Variants in DPP6 observed in about 807,000 individuals in gnomAD.
DPP6 encodes the protein A-type potassium channel modulatory protein DPP6.
DPP6 carries 69 observed loss-of-function variants against 122.6 expected under a neutral mutation model. The ratio of observed to expected loss-of-function variants is 0.56; its 90% CI spans 0.46 to 0.69. DPP6 has a LOEUF of 0.69. Ranked by LOEUF, DPP6 falls within the 30% of genes least tolerant of loss-of-function variation. The pLI is 0.00. For synonymous variants in DPP6, 418 were observed against 433.1 expected, an observed-to-expected ratio of 0.97 and a Z score of 0.43; for missense variants, 928 against 1,116.9, an observed-to-expected ratio of 0.83 and a Z score of 2.41.
intron 7 of DPP6, among the ~76,000 whole-genome samples, chr7:154,686,144 A>G (rs1839586747): frequency 6.6e-6 from 1 of 152,198 alleles, no homozygotes; most frequent in Admixed American, 6.5e-5. Flanking sequence ...TCTATTCAGC[A>G]GTGAGAAAAT....
At chr7:153,913,862 A>G (rs1022035873) in intron 1 of DPP6, among the ~76,000 whole-genome samples, 4 of 152,212 alleles carry the variant, frequency 2.6e-5, no homozygotes, top group South Asian at 2.1e-4. Context: ...GTCTCATTCA[A>G]TGCAATGCCA....
rs542262589 is a variant in DPP6 at position 154,621,980 on chromosome 7, T to C, written c.628-15841T>C. ...GAGCTTTGTGATTCCTTCTTAATGA[T>C]GTGCTTAATATATTTCCCCCAATGA... On this transcript the variant is annotated intron_variant, in intron 5 of 25. Coordinates refer to ENST00000377770, the MANE Select transcript of DPP6 (RefSeq NM_130797.4). Among the ~76,000 whole-genome samples the C allele has an allele frequency of 2.0e-5, 3 of 152,358 alleles. No homozygotes were observed. In the South Asian group the frequency reaches 6.2e-4, roughly 32 times the overall value.
intron 1 of DPP6, among the ~76,000 whole-genome samples, chr7:154,334,588 A>G (rs1049270781): frequency 6.6e-6 from 1 of 152,144 alleles, no homozygotes; most frequent in Non-Finnish European, 1.5e-5. Flanking sequence ...ATTCAGTAAC[A>G]TTATCCAGAA....
intron 1 of DPP6, among the ~76,000 whole-genome samples, chr7:154,381,941 A>G (rs953019967): frequency 1.3e-5 from 2 of 152,080 alleles, no homozygotes; most frequent in Non-Finnish European, 2.9e-5. Flanking sequence ...GGGTCATGGG[A>G]TGACACAGAG....
intron 1 of DPP6, among the ~76,000 whole-genome samples, chr7:154,070,305 G>A (rs1296451539): frequency 6.6e-6 from 1 of 151,312 alleles, no homozygotes; most frequent in African/African-American, 2.4e-5. Flanking sequence ...CTGAATCCTG[G>A]CTCGGTCACA....
Position 154,116,033 on chromosome 7 carries a change from C to G in DPP6, c.243+62970C>G, listed in dbSNP as rs577838433. 5.6e-3 allele frequency among the ~76,000 whole-genome samples: 849 copies of G among 151,142 alleles called. 6 individuals are homozygous for G. The highest frequency in any genetic ancestry group is 0.019 in the African/African-American group (802 of 41,154). ...TGTTTCTGTGGCAAATGGTTAAATTCTTACCTTTTACAAAACATTCAGTAG... is the reference window on the plus strand; with the variant it reads ...TGTTTCTGTGGCAAATGGTTAAATTGTTACCTTTTACAAAACATTCAGTAG... On this transcript the variant is annotated intron_variant, in intron 1 of 25. Coordinates refer to ENST00000377770, the MANE Select transcript of DPP6 (RefSeq NM_130797.4).
In DPP6 at chr7:154,485,210, C is replaced by T. The variant is rs73726897; in HGVS notation, c.457+10173C>T. On this transcript the variant is annotated intron_variant, in intron 3 of 25. Transcript: ENST00000377770. ...TCGTAAGAGGGACTGTGTTCTCCCA[C>T]GGCTCTGAGAGTGTTTGGAGAGCAT... Among the ~76,000 whole-genome samples the T allele has an allele frequency of 9.2e-3, 1,406 of 152,202 alleles. 19 individuals are homozygous for T. The highest frequency in any genetic ancestry group is 0.031 in the African/African-American group (1,275 of 41,536).
chr7:154,846,408 A>T (rs964987053), intron 16 of DPP6, among the ~76,000 whole-genome samples: 17 of 152,240 alleles, frequency 1.1e-4, no homozygotes, highest in Admixed American at 2.6e-4. Flanking sequence ...TAGAAAGAAG[A>T]CGCATCCTGG....
intron 1 of DPP6, among the ~76,000 whole-genome samples, chr7:154,427,293 G>A (rs191214425): frequency 1.3e-5 from 2 of 152,112 alleles, no homozygotes; most frequent in Non-Finnish European, 2.9e-5. Context: ...AGTGAAATTT[G>A]TATGTTTTTA....
At chr7:154,540,232 G>A (rs1015580215) in intron 3 of DPP6, among the ~76,000 whole-genome samples, 20 of 152,196 alleles carry the variant, frequency 1.3e-4, no homozygotes, top group Non-Finnish European at 2.4e-4. Flanking sequence ...TGGCTCCTTG[G>A]AGTATCTGCT....
intron 1 of DPP6, among the ~76,000 whole-genome samples, chr7:154,160,800 GT>G (rs1563262416): frequency 5.3e-5 from 8 of 152,244 alleles, no homozygotes; most frequent in Admixed American, 5.2e-4. Flanking sequence ...AACCTACCTC[GT>G]TCTGTCACCT....
chr7:153,907,099 T>C (rs1315778129), intron 1 of DPP6, among the ~76,000 whole-genome samples: 1 of 152,256 alleles, frequency 6.6e-6, no homozygotes, highest in Non-Finnish European at 1.5e-5. Context: ...ATAGAGGTTG[T>C]ATTAATTTAC....
chr7:154,017,727 T>TAAAAAAAAAAAAAAAAAAAA (rs61261080), intron 1 of DPP6, among the ~76,000 whole-genome samples: 2 of 109,454 alleles, frequency 1.8e-5, no homozygotes, highest in African/African-American at 3.7e-5. Context: ...AATAAAAAAA[T>TAAAAAAAAAAAAAAAAAAAA]AAAAAAAAAA....
intron 1 of DPP6, among the ~76,000 whole-genome samples, chr7:154,148,884 G>A (rs1585489618): frequency 3.3e-5 from 5 of 152,270 alleles, no homozygotes; most frequent in Admixed American, 3.3e-4. Context: ...TCAATATAAG[G>A]AAATCAGGAT....
chr7:154,582,933 T>A (rs1832174300), intron 5 of DPP6, among the ~76,000 whole-genome samples: 1 of 152,190 alleles, frequency 6.6e-6, no homozygotes, highest in African/African-American at 2.4e-5. Context: ...CTTCCCCATG[T>A]TATCCATTAG....
chr7:153,999,633 A>G (rs1401681518), intron 1 of DPP6, among the ~76,000 whole-genome samples: 2 of 152,170 alleles, frequency 1.3e-5, no homozygotes, highest in African/African-American at 4.8e-5. Flanking sequence ...ATCTATCTTT[A>G]ACTTCAGTTT....
intron 1 of DPP6, among the ~76,000 whole-genome samples, chr7:154,203,838 G>A (rs144778668): frequency 1.8e-4 from 27 of 152,248 alleles, no homozygotes; most frequent in East Asian, 7.7e-4. Context: ...TCCTCAAGTC[G>A]TCTACATTTA....
chr7:154,879,399 T>C (rs1584963894), intron 20 of DPP6, among the ~76,000 whole-genome samples: 1 of 117,184 alleles, frequency 8.5e-6, no homozygotes, highest in Non-Finnish European at 1.6e-5. Context: ...GCTAACACGG[T>C]GAAACCCCGT....
At chr7:154,577,592 C>G (rs954008593) in intron 5 of DPP6, among the ~76,000 whole-genome samples, 1 of 152,122 alleles carries the variant, frequency 6.6e-6, no homozygotes, top group East Asian at 1.9e-4. Context: ...TGACTCTTCT[C>G]CATGAACCAG....
Sources: allele counts gnomAD v4.1 joint callset (sites outside exome capture counted in the v4.1 genomes callset), GRCh38; gene constraint gnomAD v4.1.1; transcripts MANE v1.5; gene names NCBI Gene and HGNC (gene_info 2026-07-23, HGNC 2026-07-21).